The following RABGEF1 variants were observed in gnomAD, a reference collection of about 807,000 sequenced individuals.
RABGEF1 encodes rab5 GDP/GTP exchange factor.
A neutral mutation model predicts 57.3 loss-of-function variants in RABGEF1; 26 were observed. That is an observed-to-expected ratio of 0.45 (90% CI 0.33 to 0.63). The LOEUF (loss-of-function observed/expected upper bound fraction) is 0.63. Among genes scored for constraint, RABGEF1 ranks in the 20% least tolerant of loss-of-function variants. The probability of loss-of-function intolerance (pLI) is 0.02; values close to 1 mark genes in which losing one functional copy is unlikely to be tolerated. For missense variants in RABGEF1, 464 were observed against 607.6 expected, an observed-to-expected ratio of 0.76 and a Z score of 2.48; for synonymous variants, 185 against 210.7, an observed-to-expected ratio of 0.88 and a Z score of 1.06.
intron 1 of RABGEF1, among the ~76,000 whole-genome samples, chr7:66,743,202 G>A (rs1799413842): frequency 6.6e-6 from 1 of 152,056 alleles, no homozygotes; most frequent in African/African-American, 2.4e-5. Context: ...AGCTACTCAG[G>A]AGGCTGAGGT....
At chr7:66,720,682 C>T (rs1191876353) in intron 2 of RABGEF1, among the ~76,000 whole-genome samples, 3 of 151,950 alleles carry the variant, frequency 2.0e-5, no homozygotes, top group African/African-American at 7.2e-5. Flanking sequence ...TAGCATAGTA[C>T]TAGAGGTTCA....
At chr7:66,719,238 A>C (rs1795735861) in intron 2 of RABGEF1, among the ~76,000 whole-genome samples, 1 of 152,212 alleles carries the variant, frequency 6.6e-6, no homozygotes. Context: ...CCTGACCTGT[A>C]GGGGCCTCCT....
the RABGEF1 span, among the ~76,000 whole-genome samples, chr7:66,656,814 G>C: frequency 5.2e-5 from 1 of 19,318 alleles, no homozygotes; most frequent in South Asian, 8.9e-4. Context: ...GAGTGAAACT[G>C]CATCTCAAAA....
intron 1 of RABGEF1, among the ~76,000 whole-genome samples, chr7:66,769,540 T>C (rs983151399): frequency 6.6e-6 from 1 of 151,686 alleles, no homozygotes; most frequent in Non-Finnish European, 1.5e-5. Flanking sequence ...AAAATAAGAG[T>C]GAGGTTAGAG....
chr7:66,781,971 C>T (rs562956679), intron 3 of RABGEF1, among the ~76,000 whole-genome samples: 4 of 152,266 alleles, frequency 2.6e-5, no homozygotes, highest in South Asian at 4.1e-4. Context: ...TGTCTGAAAA[C>T]CTTTTGTTCA....
In RABGEF1 at chr7:66,775,641, C is replaced by T. The variant is rs1271040517; in HGVS notation, c.346+248C>T. ...AAGAGAATTGAAATAGGTACTTTTGCTTATGAAATTCATCCCCATCCAAAT... is the reference window on the plus strand; with the variant it reads ...AAGAGAATTGAAATAGGTACTTTTGTTTATGAAATTCATCCCCATCCAAAT... On this transcript the variant is annotated intron_variant, in intron 3 of 8. Transcript: ENST00000284957. Among the ~76,000 whole-genome samples the T allele has an allele frequency of 6.6e-5, 10 of 152,272 alleles. No individual in the cohort carries two copies. In the East Asian group the frequency reaches 9.6e-4, roughly 15 times the overall value.
At chr7:66,676,015 C>A in the RABGEF1 span, among the ~76,000 whole-genome samples, 1 of 152,060 alleles carries the variant, frequency 6.6e-6, no homozygotes, top group East Asian at 1.9e-4. Context: ...GGATAACAAT[C>A]CCTTATCAAA....
chr7:66,809,450 G>C lies in RABGEF1; in HGVS notation c.*166G>C. The C allele has an allele frequency of 1.5e-6, 1 of 653,154 alleles. No homozygotes were observed. The highest frequency in any genetic ancestry group is 2.4e-6 in the Non-Finnish European group (1 of 423,698). 40.5% of individuals were successfully genotyped at this position (653,154 alleles called of 1,614,324 possible). A position where few individuals can be genotyped will look rare whatever the true frequency, so the allele number is the denominator to read the frequency against. ...CGTTTTTCCTAGCAGGGGAACCTTA[G>C]TTAATAATAAAATACTACTTATTTG... is the stretch of plus-strand genomic sequence containing the variant. On this transcript the variant is annotated 3_prime_UTR_variant, in exon 9 of 9. Coordinates refer to ENST00000284957, the MANE Select transcript of RABGEF1 (RefSeq NM_014504.3).
chr7:66,776,961 C>T (rs533604961), intron 3 of RABGEF1, among the ~76,000 whole-genome samples: 3 of 152,102 alleles, frequency 2.0e-5, no homozygotes, highest in East Asian at 1.9e-4. Context: ...CTAACCTCTC[C>T]GAGTCCTGTC....
chr7:66,731,705 C>T (rs1313315177), intron 2 of RABGEF1, among the ~76,000 whole-genome samples: 10 of 152,074 alleles, frequency 6.6e-5, no homozygotes, highest in South Asian at 2.1e-4. Flanking sequence ...TGACAGAGAG[C>T]GAGACCTTGT....
chr7:66,731,305 C>T (rs1012802182), intron 2 of RABGEF1, among the ~76,000 whole-genome samples: 2 of 152,110 alleles, frequency 1.3e-5, no homozygotes, highest in African/African-American at 4.8e-5. Flanking sequence ...CTTGGAAAAC[C>T]AGAGAAGAGG....
At chr7:66,753,832 G>T (rs62466808) in intron 1 of RABGEF1, among the ~76,000 whole-genome samples, 5,324 of 147,924 alleles carry the variant, frequency 0.036, 140 homozygotes, top group Middle Eastern at 0.076. Flanking sequence ...TCAGTCTCCT[G>T]TGTAGCTGGG....
At chr7:66,682,512 C>A (rs558982456) in intron 1 of RABGEF1, among the ~76,000 whole-genome samples, 13 of 152,344 alleles carry the variant, frequency 8.5e-5, no homozygotes, top group Non-Finnish European at 1.9e-4. Context: ...AGCGCCCGGC[C>A]GTGCCCCGAC....
At chr7:66,670,030 CT>C in the RABGEF1 span, among the ~76,000 whole-genome samples, 1 of 152,166 alleles carries the variant, frequency 6.6e-6, no homozygotes, top group Non-Finnish European at 1.5e-5. Context: ...GCCAGAATAA[CT>C]TGCAGAAAAT....
intron 2 of RABGEF1, among the ~76,000 whole-genome samples, chr7:66,731,726 G>T (rs1797340826): frequency 6.6e-6 from 1 of 152,086 alleles, no homozygotes; most frequent in Non-Finnish European, 1.5e-5. Context: ...CTAACATCAG[G>T]ATTCTTGGCA....
chr7:66,683,922 G>A (rs1790185067), intron 1 of RABGEF1, among the ~76,000 whole-genome samples: 1 of 152,076 alleles, frequency 6.6e-6, no homozygotes, highest in African/African-American at 2.4e-5. Context: ...TAAAGATTTT[G>A]TAAAGATGTT....
At chr7:66,696,429 C>T (rs1398881536) in intron 1 of RABGEF1, among the ~76,000 whole-genome samples, 4 of 152,010 alleles carry the variant, frequency 2.6e-5, no homozygotes, top group African/African-American at 9.7e-5. Context: ...GTGGCTCACG[C>T]CTGTAATCCT....
At chr7:66,741,435 A>G (rs1467914121) in intron 1 of RABGEF1, among the ~76,000 whole-genome samples, 3 of 152,086 alleles carry the variant, frequency 2.0e-5, no homozygotes, top group Non-Finnish European at 2.9e-5. Context: ...AGGAGAGCCG[A>G]GGGATGCCCA....
At chr7:66,791,822 A>G (rs1735883260) in intron 4 of RABGEF1, among the ~76,000 whole-genome samples, 1 of 152,238 alleles carries the variant, frequency 6.6e-6, no homozygotes, top group Non-Finnish European at 1.5e-5. Flanking sequence ...CTCAGATGTT[A>G]TAGAAAAGAT....
Sources: gnomAD v4.1 joint callset for allele counts (sites outside exome capture counted in the v4.1 genomes callset) on GRCh38, gnomAD v4.1.1 for gene constraint, MANE v1.5 for transcripts, NCBI Gene and HGNC (gene_info 2026-07-23, HGNC 2026-07-21) for gene names.